The following ADGRL3 variants were observed in gnomAD, a reference collection of about 807,000 sequenced individuals.
ADGRL3 encodes the protein adhesion G protein-coupled receptor L3.
A neutral mutation model predicts 153.5 loss-of-function variants in ADGRL3; 62 were observed. The observed-to-expected ratio is 0.40, with a 90% CI of 0.33 to 0.50. ADGRL3 has a LOEUF of 0.50. ADGRL3 is among the 20% of genes least tolerant of loss of function. The pLI, the probability that ADGRL3 is intolerant of heterozygous loss-of-function variation, is 0.47. For missense variants in ADGRL3, 1,641 were observed against 1,859.4 expected (o/e 0.88, Z 2.16); for synonymous variants, 710 against 672.5 (o/e 1.06, Z -0.86).
At chr4:62,041,355 T>C (rs955611162) in intron 24 of ADGRL3, among the ~76,000 whole-genome samples, 1 of 152,094 alleles carries the variant, frequency 6.6e-6, no homozygotes, top group Admixed American at 6.6e-5. Context: ...TGAAATAATA[T>C]CTTTTGACTT....
chr4:61,496,650 A>AG (rs1222831407), intron 2 of ADGRL3, among the ~76,000 whole-genome samples: 1 of 150,990 alleles, frequency 6.6e-6, no homozygotes, highest in Admixed American at 6.6e-5. Context: ...TTCAAAAAAA[A>AG]GAAAGAAAAG....
intron 2 of ADGRL3, among the ~76,000 whole-genome samples, chr4:61,408,707 G>A (rs1267687250): frequency 6.6e-6 from 1 of 151,856 alleles, no homozygotes; most frequent in African/African-American, 2.4e-5. Context: ...ACATTTTAAA[G>A]CTCTTAAAAT....
chr4:61,735,884 A>G (rs903927751), intron 8 of ADGRL3, among the ~76,000 whole-genome samples: 1 of 152,158 alleles, frequency 6.6e-6, no homozygotes, highest in African/African-American at 2.4e-5. Context: ...AACGAATAAG[A>G]TGGTACCAAG....
chr4:61,291,385 T>C (rs1028605573), intron 1 of ADGRL3, among the ~76,000 whole-genome samples: 21 of 151,752 alleles, frequency 1.4e-4, no homozygotes, highest in African/African-American at 4.6e-4. Flanking sequence ...ATTTACAATG[T>C]ATTAGGTATT....
At position 61,576,564 on chromosome 4, in the gene ADGRL3, T is replaced by C. The variant is rs200316570; in HGVS notation, c.260-10663T>C. Among the ~76,000 whole-genome samples, 25 of 148,466 alleles carry C rather than the reference T, an allele frequency of 1.7e-4. No homozygotes were observed. In the East Asian group the frequency reaches 4.4e-3, roughly 26 times the overall value. ...ATAACAAGTAGAGATTCACTGTCTT[T>C]AGAGTGGGAATTTACATTTAGCATC... On this transcript the variant is annotated intron_variant, in intron 4 of 26. Coordinates refer to ENST00000683033, the MANE Select transcript of ADGRL3 (RefSeq NM_001387552.1).
intron 17 of ADGRL3, among the ~76,000 whole-genome samples, chr4:61,969,325 T>C (rs1039532604): frequency 1.3e-5 from 2 of 149,798 alleles, no homozygotes; most frequent in Non-Finnish European, 1.5e-5. Context: ...ATGGTTTTGA[T>C]TGACTTACAA....
At chr4:61,669,902 C>T (rs563792915) in intron 5 of ADGRL3, among the ~76,000 whole-genome samples, 4 of 152,308 alleles carry the variant, frequency 2.6e-5, no homozygotes, top group Admixed American at 2.0e-4. Context: ...TTTGTGTACA[C>T]TGACTTTAGA....
At chr4:61,884,717 G>A (rs375931153) in intron 9 of ADGRL3, among the ~76,000 whole-genome samples, 3 of 151,808 alleles carry the variant, frequency 2.0e-5, no homozygotes, top group South Asian at 2.1e-4. Context: ...CTCTGCCCGC[G>A]GGGTTCAAGC....
intron 9 of ADGRL3, among the ~76,000 whole-genome samples, chr4:61,875,432 A>T (rs1296973590): frequency 6.6e-6 from 1 of 152,226 alleles, no homozygotes; most frequent in African/African-American, 2.4e-5. Flanking sequence ...CTAAATTAAA[A>T]TGGACTTGTT....
chr4:61,788,837 A>C (rs536880535), intron 8 of ADGRL3, among the ~76,000 whole-genome samples: 1 of 152,350 alleles, frequency 6.6e-6, no homozygotes, highest in African/African-American at 2.4e-5. Flanking sequence ...GAAACTAATT[A>C]GTGCTTTTTC....
intron 1 of ADGRL3, among the ~76,000 whole-genome samples, chr4:61,371,342 T>C (rs1230013829): frequency 6.6e-6 from 1 of 151,670 alleles, no homozygotes; most frequent in African/African-American, 2.4e-5. Flanking sequence ...TCTTTACATT[T>C]TGGCATGATT....
Position 61,837,837 on chromosome 4 carries a change from G to A in ADGRL3, c.1480+23948G>A, listed in dbSNP as rs151261905. Among the ~76,000 whole-genome samples, 897 of 152,112 alleles carry A rather than the reference G, an allele frequency of 5.9e-3. 9 individuals are homozygous for A. Among genetic ancestry groups the A allele is most frequent in the African/African-American group, 0.02 (838 of 41,520 alleles). On this transcript the variant is annotated intron_variant, in intron 9 of 26. Coordinates refer to ENST00000683033, the MANE Select transcript of ADGRL3 (RefSeq NM_001387552.1). Reference sequence around the variant, plus strand: ...GTCTTCTAGGAAGAAACAATTACACGCTGTTGTCAGTAAACAGACCTTATT... The same window carrying A: ...GTCTTCTAGGAAGAAACAATTACACACTGTTGTCAGTAAACAGACCTTATT...
Position 62,031,604 on chromosome 4 carries a change from G to A in ADGRL3, c.3585G>A (p.Gln1195=), listed in dbSNP as rs758476039. Residue 1195 remains glutamine, a synonymous_variant, in exon 23 of 27, where the codon CAG becomes CAA. Transcript: ENST00000683033. ...MFIFIFHCVL[Q]KKVRKEYGKC... ...TATTTATTTTCCATTGTGTCCTACAGAAGAAGGTAAGCTAGAATTCTTTTT... is the reference window on the plus strand; with the variant it reads ...TATTTATTTTCCATTGTGTCCTACAAAAGAAGGTAAGCTAGAATTCTTTTT... The A allele has an allele frequency of 1.2e-6, 2 of 1,600,682 alleles. No individual in the cohort carries two copies.
intron 13 of ADGRL3, among the ~76,000 whole-genome samples, chr4:61,926,806 A>C (rs756396757): frequency 7.9e-5 from 12 of 152,178 alleles, no homozygotes; most frequent in Non-Finnish European, 1.2e-4. Flanking sequence ...ATACCTTAAC[A>C]TAGTTTGCAA....
intron 2 of ADGRL3, among the ~76,000 whole-genome samples, chr4:61,384,963 A>G (rs2151938554): frequency 6.6e-6 from 1 of 152,242 alleles, no homozygotes; most frequent in South Asian, 2.1e-4. Flanking sequence ...GGGAAATAAA[A>G]ATATTCTGAA....
At chr4:61,783,358 A>G (rs2152393619) in intron 8 of ADGRL3, among the ~76,000 whole-genome samples, 1 of 152,148 alleles carries the variant, frequency 6.6e-6, no homozygotes, top group East Asian at 1.9e-4. Flanking sequence ...AGACCTTCAG[A>G]GGTTATGAGG....
chr4:61,973,862 T>A lies in ADGRL3; in HGVS notation c.2806-5701T>A, dbSNP rs757302598. Among the ~76,000 whole-genome samples, 34 of 152,320 alleles carry A rather than the reference T, an allele frequency of 2.2e-4. No individual in the cohort carries two copies. The Middle Eastern group carries it at 0.017, about 76-fold the overall frequency. ...ATGAATTAGTATTTTTCTTGTTTTA[T>A]CATTTAAAAGTCATAAGTGCAATTG... is the stretch of plus-strand genomic sequence containing the variant. On this transcript the variant is annotated intron_variant, in intron 17 of 26. Transcript: ENST00000683033.
At chr4:61,953,388 CCAATGCA>C (rs2098954663) in intron 17 of ADGRL3, among the ~76,000 whole-genome samples, 1 of 152,148 alleles carries the variant, frequency 6.6e-6, no homozygotes, top group Admixed American at 6.5e-5. Flanking sequence ...CAGAGCTCTC[CCAATGCA>C]CTGAATTGCT....
At chr4:61,350,804 T>C (rs1346754549) in intron 1 of ADGRL3, among the ~76,000 whole-genome samples, 1 of 152,168 alleles carries the variant, frequency 6.6e-6, no homozygotes, top group Non-Finnish European at 1.5e-5. Context: ...GGCTGCTCCT[T>C]GAGCCGGCTG....
Sources: gnomAD v4.1 joint callset for allele counts (sites outside exome capture counted in the v4.1 genomes callset) on GRCh38, gnomAD v4.1.1 for gene constraint, MANE v1.5 for transcripts, NCBI Gene and HGNC (gene_info 2026-07-23, HGNC 2026-07-21) for gene names.